CARMIL1: variants seen among roughly 807,000 people sequenced by gnomAD.
The protein encoded by CARMIL1 is F-actin-uncapping protein LRRC16A.
Under a neutral mutation model 177.1 loss-of-function variants are expected in CARMIL1, and 90 were observed. The observed-to-expected ratio is 0.51, with a 90% confidence interval of 0.43 to 0.61. The LOEUF (loss-of-function observed/expected upper bound fraction) is 0.61, where lower values mean the gene tolerates loss of function less well. Ranked by LOEUF, CARMIL1 falls within the 20% of genes least tolerant of loss-of-function variation. The pLI is 0.00. For synonymous variants in CARMIL1, 577 were observed against 606.2 expected (o/e 0.95, Z 0.71); for missense variants, 1,380 against 1,667.0 (o/e 0.83, Z 3.00).
chr6:25,401,820 A>G (rs1793904445), intron 2 of CARMIL1, among the ~76,000 whole-genome samples: 1 of 152,172 alleles, frequency 6.6e-6, no homozygotes, highest in Non-Finnish European at 1.5e-5. Flanking sequence ...TTCACCTTCC[A>G]ATTGTGTAGC....
intron 36 of CARMIL1, among the ~76,000 whole-genome samples, chr6:25,616,531 G>A (rs1403941412): frequency 1.3e-5 from 2 of 152,202 alleles, no homozygotes; most frequent in Non-Finnish European, 2.9e-5. Context: ...CTATGACTGC[G>A]CCACTGAATT....
intron 23 of CARMIL1, among the ~76,000 whole-genome samples, chr6:25,524,951 A>G (rs186416989): frequency 3.3e-4 from 50 of 152,278 alleles, no homozygotes; most frequent in African/African-American, 1.2e-3. Context: ...AGAAAAAAAG[A>G]AAAGAAAAGA....
intron 35 of CARMIL1, among the ~76,000 whole-genome samples, chr6:25,606,474 C>A (rs1239188423): frequency 6.6e-6 from 1 of 152,120 alleles, no homozygotes; most frequent in African/African-American, 2.4e-5. Flanking sequence ...AGAGGCCCAC[C>A]ATGTGTGAGA....
At chr6:25,354,449 G>C (rs1788394019) in intron 2 of CARMIL1, among the ~76,000 whole-genome samples, 1 of 143,684 alleles carries the variant, frequency 7.0e-6, no homozygotes, top group Non-Finnish European at 1.5e-5. Context: ...AAAGTGCTGG[G>C]ATTACAGGAG....
rs376107034 is a variant in CARMIL1, at chr6:25,483,229, G to A, written c.961+886G>A. ...GTGCCTGGACTACTGTTTAACAAAA[G>A]TTTCTTGAACATCTTGCCATTTCTT... On this transcript the variant is annotated intron_variant, in intron 12 of 36. Coordinates refer to ENST00000329474, the MANE Select transcript of CARMIL1 (RefSeq NM_017640.6). Among the ~76,000 whole-genome samples the A allele has an allele frequency of 2.0e-5, 3 of 152,084 alleles. No homozygotes were observed. In the East Asian group the frequency reaches 5.8e-4, roughly 29 times the overall value.
At chr6:25,541,980 T>C (rs1405779025) in intron 26 of CARMIL1, among the ~76,000 whole-genome samples, 1 of 152,226 alleles carries the variant, frequency 6.6e-6, no homozygotes. Flanking sequence ...TTTGGATTTC[T>C]TCAATAACTC....
chr6:25,362,655 CAG>C (rs1789340484), intron 2 of CARMIL1, among the ~76,000 whole-genome samples: 2 of 152,136 alleles, frequency 1.3e-5, no homozygotes, highest in African/African-American at 2.4e-5. Context: ...GCCTGGGAAA[CAG>C]AGACTCCGTC....
intron 17 of CARMIL1, among the ~76,000 whole-genome samples, chr6:25,505,906 ATT>A (rs1276736331): frequency 1.3e-5 from 2 of 152,206 alleles, no homozygotes; most frequent in African/African-American, 4.8e-5. Context: ...AGGGCAATTA[ATT>A]ATAGCTGTGG....
intron 2 of CARMIL1, among the ~76,000 whole-genome samples, chr6:25,320,069 A>G (rs955477912): frequency 6.6e-6 from 1 of 152,190 alleles, no homozygotes; most frequent in Non-Finnish European, 1.5e-5. Flanking sequence ...AAAGACTCAA[A>G]ATATGCTGGA....
rs370272117 is a variant in CARMIL1 at position 25,449,973 on chromosome 6, C to T, written c.447C>T (p.Thr149=). ...TCCAGGCGCTGTGGGACAGCCAGACCGTGGCTGAGCAGGGCCCCTGTGGTG... is the reference window on the plus strand; with the variant it reads ...TCCAGGCGCTGTGGGACAGCCAGACTGTGGCTGAGCAGGGCCCCTGTGGTG... ...ASLQALWDSQ[T]VAEQGPCGGF... is the part of the protein sequence containing the mutation. The change falls in exon 6 of 37, where the codon ACC becomes ACT. Residue 149 remains threonine, a synonymous_variant. Coordinates refer to ENST00000329474, the MANE Select transcript of CARMIL1 (RefSeq NM_017640.6). The T allele has an allele frequency of 1.4e-3, 2,285 of 1,610,564 alleles. 1 individual carries two copies. Among genetic ancestry groups the T allele is most frequent in the Non-Finnish European group, 1.6e-3 (1,903 of 1,178,066 alleles).
At chr6:25,560,375 T>G (rs1442331912) in intron 29 of CARMIL1, among the ~76,000 whole-genome samples, 1 of 152,154 alleles carries the variant, frequency 6.6e-6, no homozygotes, top group Admixed American at 6.6e-5. Flanking sequence ...TGCACTGTTT[T>G]ACAGCCTGTG....
intron 23 of CARMIL1, among the ~76,000 whole-genome samples, chr6:25,528,262 T>C (rs906795030): frequency 3.9e-5 from 6 of 152,234 alleles, no homozygotes; most frequent in Non-Finnish European, 8.8e-5. Flanking sequence ...GTATATATCT[T>C]TGAGTTGTAC....
intron 26 of CARMIL1, among the ~76,000 whole-genome samples, chr6:25,541,159 C>T (rs113179513): frequency 2.6e-5 from 4 of 152,180 alleles, no homozygotes; most frequent in African/African-American, 7.2e-5. Flanking sequence ...TAGAAAATGA[C>T]TTACTCTTTG....
intron 8 of CARMIL1, among the ~76,000 whole-genome samples, chr6:25,461,303 C>T (rs1008479109): frequency 6.6e-6 from 1 of 152,158 alleles, no homozygotes; most frequent in Non-Finnish European, 1.5e-5. Context: ...GAAGTCATGC[C>T]TCCTAAGTGT....
chr6:25,365,336 G>A (rs1388060829), intron 2 of CARMIL1, among the ~76,000 whole-genome samples: 1 of 152,182 alleles, frequency 6.6e-6, no homozygotes, highest in Non-Finnish European at 1.5e-5. Context: ...CCATCTGAGT[G>A]CTGTATTCAG....
intron 2 of CARMIL1, among the ~76,000 whole-genome samples, chr6:25,360,145 A>T (rs1408383392): frequency 1.3e-5 from 2 of 152,192 alleles, no homozygotes; most frequent in African/African-American, 2.4e-5. Context: ...CTTCCCGCTT[A>T]CAGTATTGTA....
chr6:25,524,138 A>G (rs1056271664), intron 23 of CARMIL1, among the ~76,000 whole-genome samples: 1 of 152,198 alleles, frequency 6.6e-6, no homozygotes, highest in African/African-American at 2.4e-5. Context: ...TTACCTGAAC[A>G]GGGGAAAGAT....
intron 5 of CARMIL1, among the ~76,000 whole-genome samples, chr6:25,448,945 C>G (rs926762307): frequency 2.8e-5 from 4 of 144,700 alleles, no homozygotes; most frequent in African/African-American, 7.8e-5. Context: ...GAGAGTCTCC[C>G]TCTGTCACCT....
intron 2 of CARMIL1, among the ~76,000 whole-genome samples, chr6:25,308,186 GT>G (rs1007065084): frequency 1.3e-5 from 2 of 152,104 alleles, no homozygotes; most frequent in African/African-American, 4.8e-5. Context: ...GTGGCTTGCT[GT>G]TGTCTATAGC....
Sources: allele counts gnomAD v4.1 joint callset (sites outside exome capture counted in the v4.1 genomes callset), GRCh38; gene constraint gnomAD v4.1.1; transcripts MANE v1.5; gene names NCBI Gene and HGNC (gene_info 2026-07-23, HGNC 2026-07-21).